CHD8: variants seen among roughly 807,000 people sequenced by gnomAD.
CHD8 encodes chromodomain helicase DNA binding protein 8.
Under a neutral mutation model 279.2 loss-of-function variants are expected in CHD8, and 31 were observed. The ratio of observed to expected loss-of-function variants is 0.11; its 90% CI spans 0.08 to 0.15. The LOEUF (loss-of-function observed/expected upper bound fraction) is 0.15. Among genes scored for constraint, CHD8 ranks in the 10% least tolerant of loss-of-function variants. The probability of loss-of-function intolerance (pLI) is 1.00; values close to 1 mark genes in which losing one functional copy is unlikely to be tolerated. For missense variants in CHD8, 2,146 were observed against 3,230.5 expected (o/e 0.66, Z 8.14); for synonymous variants, 1,081 against 1,139.6 (o/e 0.95, Z 1.04).
Position 21,400,270 on chromosome 14 carries a change from T to G in CHD8, c.4608A>C (p.Lys1536Asn), listed in dbSNP as rs141210400. 1 of 1,613,962 alleles carries G rather than the reference T, an allele frequency of 6.2e-7. No individual in the cohort carries two copies. The highest frequency in any genetic ancestry group is 1.3e-5 in the African/African-American group (1 of 75,030). Residue 1536 changes from lysine to asparagine, a missense_variant, in exon 24 of 38, where the codon AAA becomes AAC. Lys to Asn is a moderately conservative substitution (Grantham distance 94). Around this residue, in one of 26 missense-constraint regions of CHD8, gnomAD observed 73 missense variants for 153.2 expected, o/e 0.48. Coordinates refer to ENST00000646647, the MANE Select transcript of CHD8 (RefSeq NM_001170629.2). This position sits in a 1 kb window ranked among gnomAD's most constrained non-coding sequence, Gnocchi z 4.2. ...CAAAAGTGCTTTGTGACTTTACTTTTTTTCCTTTGCGTCCACGAGGCACAG... is the reference window on the plus strand; with the variant it reads ...CAAAAGTGCTTTGTGACTTTACTTTGTTTCCTTTGCGTCCACGAGGCACAG... ...SIPVPRGRKG[K>N]KVKSQSTFDI...
At chr14:21,406,730 G>T in intron 14 of CHD8, 126 bp downstream of exon 14, 1 of 783,288 alleles carries the variant, frequency 1.3e-6, no homozygotes, top group Non-Finnish European at 1.9e-6. Context: ...ATTCCCATAG[G>T]TCATCCCCAC....
chr14:21,386,321 AT>A (rs1184494569), intron 37 of CHD8, 145 bp from the exon 38 acceptor site: 2 of 689,452 alleles, frequency 2.9e-6, no homozygotes, highest in Non-Finnish European at 4.8e-6. Flanking sequence ...ACTAGGCTTG[AT>A]TGGTGGTAAT....
Position 21,391,443 on chromosome 14 carries a change from T to C in CHD8, c.7065+20A>G. On this transcript the variant is annotated intron_variant, in intron 36 of 37. Transcript: ENST00000646647. ...CCAAAGGAATGACTTTAAATCTTGC[T>C]GGATGGGACTGCCACTCACCGCTAG... The C allele has an allele frequency of 6.2e-7, 1 of 1,610,028 alleles. No individual in the cohort carries two copies. The highest frequency in any genetic ancestry group is 8.5e-7 in the Non-Finnish European group (1 of 1,177,886).
At chr14:21,440,653 G>A (rs1889934052) in intron 1 of CHD8, among the ~76,000 whole-genome samples, 1 of 152,214 alleles carries the variant, frequency 6.6e-6, no homozygotes, top group Non-Finnish European at 1.5e-5. Context: ...GACATGTAGA[G>A]GAAACTCTAG....
At chr14:21,422,209 C>T (rs1889076510) in intron 5 of CHD8, among the ~76,000 whole-genome samples, 1 of 152,076 alleles carries the variant, frequency 6.6e-6, no homozygotes, top group African/African-American at 2.4e-5. Context: ...GGCATGGTGG[C>T]ACACACCTAT....
rs1375790885 is a variant in CHD8, at chr14:21,395,283, G to A, written c.5182+15C>T. The A allele has an allele frequency of 6.3e-7, 1 of 1,593,142 alleles. No homozygotes were observed. Among genetic ancestry groups the A allele is most frequent in the Non-Finnish European group, 8.6e-7 (1 of 1,163,126 alleles). On this transcript the variant is annotated intron_variant, in intron 29 of 37. Coordinates refer to ENST00000646647, the MANE Select transcript of CHD8 (RefSeq NM_001170629.2). ...CACCCCACACAGAATTATACTAGTTGACCTAGAAGTTTACCTTCATCTCCA... is the reference window on the plus strand; with the variant it reads ...CACCCCACACAGAATTATACTAGTTAACCTAGAAGTTTACCTTCATCTCCA...
chr14:21,444,584 CAAGG>C, intron 1 of CHD8, among the ~76,000 whole-genome samples: 1 of 152,170 alleles, frequency 6.6e-6, no homozygotes, highest in East Asian at 1.9e-4. Context: ...CTAAAGGATC[CAAGG>C]AAGGGTCATA....
At chr14:21,414,054 G>C in intron 9 of CHD8, 1 of 396,988 alleles carries the variant, frequency 2.5e-6, no homozygotes, top group East Asian at 5.0e-5. Context: ...CATCAGTTTT[G>C]AAAATACTTC....
At chr14:21,453,909 A>G (rs930399816) in intron 1 of CHD8, among the ~76,000 whole-genome samples, 1 of 151,618 alleles carries the variant, frequency 6.6e-6, no homozygotes, top group Non-Finnish European at 1.5e-5. Context: ...TAATCCCAGC[A>G]CTTCGGGAGG....
chr14:21,443,770 G>C (rs373849931), intron 1 of CHD8, among the ~76,000 whole-genome samples: 2 of 151,302 alleles, frequency 1.3e-5, no homozygotes, highest in South Asian at 4.2e-4. Flanking sequence ...GCAGGAGAAT[G>C]GCGTGAACCC....
chr14:21,409,794 G>GA (rs1888408381), intron 11 of CHD8, 57 bp downstream of exon 11: 16 of 1,510,222 alleles, frequency 1.1e-5, no homozygotes, highest in East Asian at 2.3e-5. Flanking sequence ...TTTCATAGGG[G>GA]AAAAAATTTA....
intron 37 of CHD8, among the ~76,000 whole-genome samples, chr14:21,387,635 T>C (rs1319454735): frequency 4.0e-5 from 4 of 100,924 alleles, no homozygotes; most frequent in Admixed American, 3.1e-4. Flanking sequence ...TGAAACTCTG[T>C]ATCAAAAAAA....
In CHD8 at chr14:21,394,192, G is replaced by T; in HGVS notation, c.5603C>A (p.Pro1868His). The change falls in exon 32 of 38, where the codon CCC (proline) becomes CAC (histidine). Residue 1868 changes from proline (P) to histidine (H), a missense_variant. Physicochemically the swap from Pro to His is moderately conservative, Grantham distance 77. Coordinates refer to ENST00000646647, the MANE Select transcript of CHD8 (RefSeq NM_001170629.2). ...CRLPPAAGDE[P>H]PDPNLFIEPI... is the part of the protein sequence containing the mutation. ...CTCAATGAACAGGTTAGGGTCGGGG[G>T]GTTCTGCAAGAGACAGGAGTAGAAG... is the stretch of plus-strand genomic sequence containing the variant. 1 of 1,607,266 alleles carries T rather than the reference G, an allele frequency of 6.2e-7. No homozygotes were observed. The highest frequency in any genetic ancestry group is 8.5e-7 in the Non-Finnish European group (1 of 1,175,196).
At position 21,402,574 on chromosome 14, in the gene CHD8, A is replaced by G; in HGVS notation, c.3715-71T>C. 7.2e-7 allele frequency: 1 copy of G among 1,392,728 alleles called. No individual in the cohort carries two copies. The highest frequency in any genetic ancestry group is 2.4e-5 in the East Asian group (1 of 41,080). The allele number at this position is 1,392,728 out of a possible 1,614,324, so 86.3% of individuals were successfully genotyped here. A position where few individuals can be genotyped will look rare whatever the true frequency, so the allele number is the denominator to read the frequency against. On this transcript the variant is annotated intron_variant, in intron 18 of 37. Coordinates refer to ENST00000646647, the MANE Select transcript of CHD8 (RefSeq NM_001170629.2). This position sits in a 1 kb window ranked among gnomAD's most constrained non-coding sequence, Gnocchi z 4.5. ...ATTAGCAAGGGAAAGGATACAAAAT[A>G]CCAATTTATGATTCTTTCACCTCTA...
At chr14:21,398,366 A>C (rs1466441303) in intron 26 of CHD8, 2 of 152,968 alleles carry the variant, frequency 1.3e-5, no homozygotes, top group African/African-American at 4.8e-5. Context: ...CAGCCTCCTG[A>C]GTAGCTGGGA....
intron 36 of CHD8, 69 bp downstream of exon 36, chr14:21,391,394 T>A (rs1401088957): frequency 2.8e-6 from 4 of 1,439,722 alleles, no homozygotes; most frequent in Non-Finnish European, 3.8e-6. Context: ...TGTCATGCTT[T>A]CTCTTTCTCA....
Position 21,415,901 on chromosome 14 carries a change from G to T in CHD8, c.1723C>A (p.Arg575Ser). Residue 575 changes from arginine to serine, a missense_variant, in exon 6 of 38, where the codon CGC (arginine) becomes AGC (serine). Physicochemically the swap from Arg to Ser is moderately radical, Grantham distance 110. Around this residue, in one of 26 missense-constraint regions of CHD8, gnomAD observed 123 missense variants for 169.2 expected, o/e 0.73. Coordinates refer to ENST00000646647, the MANE Select transcript of CHD8 (RefSeq NM_001170629.2). ...TTTCGCTTAACTTGGCGGTTTGAGCGTCTCTTCTGTAGAGCAAAAAGTAGT... is the reference window on the plus strand; with the variant it reads ...TTTCGCTTAACTTGGCGGTTTGAGCTTCTCTTCTGTAGAGCAAAAAGTAGT... Reference protein sequence around the residue: ...EDEESSIQKRRSNRQVKRKKY... With the variant: ...EDEESSIQKRSSNRQVKRKKY... 6.2e-7 allele frequency: 1 copy of T among 1,612,908 alleles called. No individual in the cohort carries two copies. The highest frequency in any genetic ancestry group is 8.5e-7 in the Non-Finnish European group (1 of 1,179,458).
chr14:21,435,886 T>C (rs1275935661), intron 1 of CHD8, among the ~76,000 whole-genome samples: 1 of 152,184 alleles, frequency 6.6e-6, no homozygotes, highest in Non-Finnish European at 1.5e-5. Context: ...ACCAGTATCT[T>C]TGGGATGGGA....
chr14:21,412,448 G>A (rs967320624), intron 10 of CHD8, among the ~76,000 whole-genome samples: 7 of 152,232 alleles, frequency 4.6e-5, no homozygotes, highest in African/African-American at 1.7e-4. Flanking sequence ...CTGGCCAGCA[G>A]ATCTGTTTTA....
Sources: gnomAD v4.1 joint callset for allele counts (sites outside exome capture counted in the v4.1 genomes callset) on GRCh38, gnomAD v4.1.1 for gene constraint, gnomAD v4.1.1 regional missense constraint, Gnocchi (gnomAD v3.1) non-coding constraint, MANE v1.5 for transcripts, NCBI Gene and HGNC (gene_info 2026-07-23, HGNC 2026-07-21) for gene names.